The following CCDC90B variants were observed in gnomAD, a reference collection of about 807,000 sequenced individuals.
CCDC90B encodes coiled-coil domain containing 90B.
CCDC90B carries 24 observed loss-of-function variants against 37.0 expected under a neutral mutation model. That is an observed-to-expected ratio of 0.65 (90% CI 0.47 to 0.91). CCDC90B has a LOEUF of 0.91. Ranked by LOEUF, CCDC90B falls within the 40% of genes least tolerant of loss-of-function variation. The pLI, the probability that CCDC90B is intolerant of heterozygous loss-of-function variation, is 0.00. For synonymous variants in CCDC90B, 113 were observed against 101.1 expected, an observed-to-expected ratio of 1.12 and a Z score of -0.71; for missense variants, 319 against 299.0, an observed-to-expected ratio of 1.07 and a Z score of -0.49.
In CCDC90B at chr11:83,280,210, T is replaced by C; in HGVS notation, c.151A>G (p.Ile51Val). 6.2e-7 allele frequency: 1 copy of C among 1,613,342 alleles called. No homozygotes were observed. Among genetic ancestry groups the C allele is most frequent in the South Asian group, 1.1e-5 (1 of 91,050 alleles). The change falls in exon 2 of 9, where the codon ATA becomes GTA. Residue 51 changes from isoleucine to valine, a missense_variant. Coordinates refer to ENST00000529689, the MANE Select transcript of CCDC90B (RefSeq NM_021825.5). Reference protein sequence around the residue: ...KEGYDRRPVDITPLEQRKLTF... With the variant: ...KEGYDRRPVDVTPLEQRKLTF... ...AATTTCCTTTGTTCTAAAGGAGTTA[T>C]ATCCACTGGCCGCCTATCATATCCC...
chr11:83,270,324 T>C (rs934989509), intron 7 of CCDC90B, among the ~76,000 whole-genome samples: 2 of 151,626 alleles, frequency 1.3e-5, no homozygotes, highest in African/African-American at 4.8e-5. Context: ...GCAAGAGAAA[T>C]AAAGGGTATT....
At chr11:83,272,584 G>C (rs192223055) in intron 7 of CCDC90B, among the ~76,000 whole-genome samples, 112 of 152,280 alleles carry the variant, frequency 7.4e-4, no homozygotes, top group Non-Finnish European at 1.4e-3. Context: ...ACTGATACAG[G>C]TATAGGGGAC....
At chr11:83,276,324 G>A (rs1178451473) in intron 3 of CCDC90B, among the ~76,000 whole-genome samples, 3 of 152,140 alleles carry the variant, frequency 2.0e-5, no homozygotes, top group African/African-American at 4.8e-5. Context: ...ACTTCTTGTG[G>A]TGTCTGAACC....
intron 8 of CCDC90B, among the ~76,000 whole-genome samples, chr11:83,264,329 C>T (rs186376732): frequency 8.3e-4 from 126 of 152,116 alleles, no homozygotes; most frequent in South Asian, 2.9e-3. Flanking sequence ...ATAAAAAATA[C>T]GTGATCTAAT....
At chr11:83,285,100 G>T in intron 1 of CCDC90B, 1 of 1,200,464 alleles carries the variant, frequency 8.3e-7, no homozygotes, top group South Asian at 1.4e-5. Context: ...GCGTAGAAGT[G>T]TTTGGGTACC....
rs113085394 is a variant in CCDC90B, at chr11:83,285,989, G to T, written c.-17C>A. On this transcript the variant is annotated 5_prime_UTR_variant, in exon 1 of 9. Transcript: ENST00000529689. ...ACTATTCATGTCCTCAGAGTTTTCCGGTGGGAGGGAGGCGGAAGACGGGGT... is the reference window on the plus strand; with the variant it reads ...ACTATTCATGTCCTCAGAGTTTTCCTGTGGGAGGGAGGCGGAAGACGGGGT... 5.6e-6 allele frequency: 9 copies of T among 1,602,372 alleles called. No homozygotes were observed. Among genetic ancestry groups the T allele is most frequent in the Non-Finnish European group, 7.7e-6 (9 of 1,174,330 alleles).
chr11:83,273,820 G>C lies in CCDC90B; in HGVS notation c.513C>G (p.Asn171Lys). Residue 171 changes from asparagine (N) to lysine (K), a missense_variant, in exon 6 of 9, where the codon AAC (asparagine) becomes AAG (lysine). By Grantham distance (94) the Asn-to-Lys change is moderately conservative. Coordinates refer to ENST00000529689, the MANE Select transcript of CCDC90B (RefSeq NM_021825.5). ...RIRADNKLDI[N>K]LERSRVTDMF... ...TATCTGTTACTCTGCTCCTTTCTAAGTTGATATCCAGTTTATTATCTGCTC... is the reference window on the plus strand; with the variant it reads ...TATCTGTTACTCTGCTCCTTTCTAACTTGATATCCAGTTTATTATCTGCTC... 6.2e-7 allele frequency: 1 copy of C among 1,610,148 alleles called. No individual in the cohort carries two copies. The highest frequency in any genetic ancestry group is 8.5e-7 in the Non-Finnish European group (1 of 1,177,884).
intron 1 of CCDC90B, among the ~76,000 whole-genome samples, chr11:83,282,786 C>T (rs924767265): frequency 1.3e-5 from 2 of 152,178 alleles, no homozygotes; most frequent in East Asian, 3.9e-4. Flanking sequence ...GATGGTTTTT[C>T]ATAGTACTGC....
At chr11:83,282,837 A>G (rs543813663) in intron 1 of CCDC90B, among the ~76,000 whole-genome samples, 1 of 152,312 alleles carries the variant, frequency 6.6e-6, no homozygotes, top group East Asian at 1.9e-4. Context: ...TTACACATTT[A>G]TGTGACTCTC....
At position 83,259,140 on chromosome 11, in the gene CCDC90B, A is replaced by G. The variant is rs1863827272; in HGVS notation, c.*2771T>C. 1.3e-5 allele frequency: 2 copies of G among 152,218 alleles called. No individual in the cohort carries two copies. Among genetic ancestry groups the G allele is most frequent in the Middle Eastern group, 3.2e-3 (1 of 316 alleles). 9.4% of individuals were successfully genotyped at this position (152,218 alleles called of 1,614,324 possible). On this transcript the variant is annotated 3_prime_UTR_variant, in exon 9 of 9. Transcript: ENST00000529689. Reference sequence around the variant, plus strand: ...TCCACAGGCGTTTAACAAGTACCTCACATGTGTCTAGAGGCCTTCTGAGAA... The same window carrying G: ...TCCACAGGCGTTTAACAAGTACCTCGCATGTGTCTAGAGGCCTTCTGAGAA...
chr11:83,282,273 G>T (rs957184230), intron 1 of CCDC90B, among the ~76,000 whole-genome samples: 1 of 152,198 alleles, frequency 6.6e-6, no homozygotes, highest in African/African-American at 2.4e-5. Context: ...CTGCATTATC[G>T]TTAGCTTAGG....
rs1282555945 is a variant in CCDC90B at position 83,286,171 on chromosome 11, A to T, written c.-199T>A. The T allele has an allele frequency of 5.2e-6, 8 of 1,536,092 alleles. No individual in the cohort carries two copies. The highest frequency in any genetic ancestry group is 5.2e-6 in the Non-Finnish European group (6 of 1,146,878). The stretch of plus-strand genomic sequence containing the variant: ...ACAGACAGACCCACAGTTCGCGAGC[A>T]TGGCTCAGCGCTGCCCCGCTTCTCC... On this transcript the variant is annotated 5_prime_UTR_variant, in exon 1 of 9. The change abolishes an upstream ATG in the 5' untranslated region. Coordinates refer to ENST00000529689, the MANE Select transcript of CCDC90B (RefSeq NM_021825.5).
intron 7 of CCDC90B, among the ~76,000 whole-genome samples, chr11:83,266,443 G>C (rs1015280750): frequency 9.2e-5 from 14 of 152,236 alleles, no homozygotes; most frequent in African/African-American, 3.4e-4. Context: ...TGGCAGACAA[G>C]GAGATTCTCT....
At chr11:83,285,677 G>GCTTT in intron 1 of CCDC90B, 196 bp downstream of exon 1, 1 of 1,417,428 alleles carries the variant, frequency 7.1e-7, no homozygotes, top group Non-Finnish European at 9.2e-7. Context: ...GAAAGGCAGT[G>GCTTT]CTTTCCTCAG....
chr11:83,285,540 AAAC>A, intron 1 of CCDC90B: 1 of 1,190,164 alleles, frequency 8.4e-7, no homozygotes, highest in Non-Finnish European at 1.0e-6. Flanking sequence ...GGACACCCTC[AAAC>A]ACAGATTACC....
chr11:83,274,782 C>G (rs920974609), intron 3 of CCDC90B, 42 bp from the exon 4 acceptor site: 2 of 1,236,182 alleles, frequency 1.6e-6, no homozygotes, highest in Non-Finnish European at 2.3e-6. Flanking sequence ...CTATAGAAAG[C>G]CATCTTTTTA....
rs1864841535 is a variant in CCDC90B at position 83,273,774 on chromosome 11, A to T, written c.540+19T>A. The T allele has an allele frequency of 6.2e-7, 1 of 1,602,392 alleles. No homozygotes were observed. Among genetic ancestry groups the T allele is most frequent in the Non-Finnish European group, 8.5e-7 (1 of 1,174,952 alleles). On this transcript the variant is annotated intron_variant, in intron 6 of 8. Transcript: ENST00000529689. The stretch of plus-strand genomic sequence containing the variant: ...AAAAGGAGTAAGTAACCAAGAAAGT[A>T]CATTTAAAAGAACATTACCATATCT...
At chr11:83,284,963 C>A (rs1865592579) in intron 1 of CCDC90B, among the ~76,000 whole-genome samples, 1 of 152,218 alleles carries the variant, frequency 6.6e-6, no homozygotes, top group African/African-American at 2.4e-5. Context: ...ATGACCCTGG[C>A]AGCTAAACAG....
intron 7 of CCDC90B, among the ~76,000 whole-genome samples, chr11:83,270,512 A>G (rs1391012234): frequency 1.3e-5 from 2 of 152,228 alleles, no homozygotes; most frequent in African/African-American, 4.8e-5. Flanking sequence ...ATTAACAGAC[A>G]AACAGAGTCA....
Sources: gnomAD v4.1 joint callset for allele counts (sites outside exome capture counted in the v4.1 genomes callset) on GRCh38, gnomAD v4.1.1 for gene constraint, MANE v1.5 for transcripts, NCBI Gene and HGNC (gene_info 2026-07-23, HGNC 2026-07-21) for gene names.